TCP11L1: variants seen among roughly 807,000 people sequenced by gnomAD.
The protein encoded by TCP11L1 is t-complex 11 like 1.
Under a neutral mutation model 48.9 loss-of-function variants are expected in TCP11L1, and 28 were observed. The observed-to-expected ratio is 0.57, with a 90% CI of 0.42 to 0.78. The LOEUF (loss-of-function observed/expected upper bound fraction) is 0.78. TCP11L1 is among the 30% of genes least tolerant of loss of function. TCP11L1 has a pLI of 0.00. For missense variants in TCP11L1, 505 were observed against 613.4 expected (o/e 0.82, Z 1.87); for synonymous variants, 204 against 231.9 (o/e 0.88, Z 1.09).
At chr11:33,041,480 G>A (rs182056397) in intron 1 of TCP11L1, among the ~76,000 whole-genome samples, 23 of 152,356 alleles carry the variant, frequency 1.5e-4, no homozygotes, top group Non-Finnish European at 2.8e-4. Context: ...GCCAGGTGCA[G>A]TGGCTCACGC....
At position 33,071,195 on chromosome 11, in the gene TCP11L1, A is replaced by G. The variant is rs541073363; in HGVS notation, c.1328-1279A>G. Among the ~76,000 whole-genome samples the G allele has an allele frequency of 3.9e-5, 6 of 152,076 alleles. No homozygotes were observed. In the South Asian group the frequency reaches 1.2e-3, roughly 32 times the overall value. Reference sequence around the variant, plus strand: ...CTGGGCATGGTGGCATGCGCCTGTAATCCCAGCTACTCGGGAGGCAGAGTG... The same window carrying G: ...CTGGGCATGGTGGCATGCGCCTGTAGTCCCAGCTACTCGGGAGGCAGAGTG... On this transcript the variant is annotated intron_variant, in intron 9 of 9. Transcript: ENST00000334274.
intron 1 of TCP11L1, among the ~76,000 whole-genome samples, chr11:33,042,347 G>T (rs1369082546): frequency 6.6e-6 from 1 of 152,124 alleles, no homozygotes; most frequent in Non-Finnish European, 1.5e-5. Flanking sequence ...AGCCAGGATG[G>T]TCTCGATCTC....
Position 33,072,607 on chromosome 11 carries a change from C to CAACTAT in TCP11L1, c.1465_1470dup (p.Tyr489_Asn490dup), listed in dbSNP as rs775277421. On this transcript the variant is annotated inframe_insertion, in exon 10 of 10. Transcript: ENST00000334274. ...TTGCTATTAAATTTGCTCGCCTGGT[C>CAACTAT]AACTATAACAAGATGGTCTTCTGTC... is the stretch of plus-strand genomic sequence containing the variant. 6.2e-7 allele frequency: 1 copy of CAACTAT among 1,614,104 alleles called. No individual in the cohort carries two copies. The highest frequency in any genetic ancestry group is 1.1e-5 in the South Asian group (1 of 91,060).
intron 2 of TCP11L1, among the ~76,000 whole-genome samples, chr11:33,054,225 T>C (rs1854246692): frequency 6.6e-6 from 1 of 151,712 alleles, no homozygotes; most frequent in African/African-American, 2.4e-5. Context: ...GTGTCTTCTT[T>C]TTTTTTTTTT....
chr11:33,051,688 G>A (rs772398864), intron 2 of TCP11L1, among the ~76,000 whole-genome samples: 2 of 151,978 alleles, frequency 1.3e-5, no homozygotes, highest in Non-Finnish European at 2.9e-5. Context: ...CGAACTCCTG[G>A]CCTCAAGCAG....
intron 2 of TCP11L1, among the ~76,000 whole-genome samples, chr11:33,044,842 T>C (rs1853941891): frequency 6.6e-6 from 1 of 152,220 alleles, no homozygotes; most frequent in Non-Finnish European, 1.5e-5. Flanking sequence ...CAGTCTATCA[T>C]GCATTTGTCA....
intron 2 of TCP11L1, among the ~76,000 whole-genome samples, chr11:33,053,392 G>A (rs1200167443): frequency 6.6e-6 from 1 of 152,168 alleles, no homozygotes; most frequent in Non-Finnish European, 1.5e-5. Flanking sequence ...TGGTCCACCT[G>A]CCTTGATCTC....
chr11:33,054,130 A>G (rs1854244287), intron 2 of TCP11L1, among the ~76,000 whole-genome samples: 1 of 152,084 alleles, frequency 6.6e-6, no homozygotes, highest in Admixed American at 6.6e-5. Flanking sequence ...TGCTATTTTA[A>G]TTTGGGGAGA....
chr11:33,061,442 C>A, intron 6 of TCP11L1, 88 bp from the exon 7 acceptor site: 2 of 1,295,514 alleles, frequency 1.5e-6, no homozygotes, highest in Non-Finnish European at 2.1e-6. Context: ...CTTTATCACT[C>A]CACCAGGACA....
Position 33,072,548 on chromosome 11 carries a change from G to T in TCP11L1, c.1402G>T (p.Gly468Ter). The T allele has an allele frequency of 6.2e-7, 1 of 1,614,146 alleles. No homozygotes were observed. The highest frequency in any genetic ancestry group is 8.5e-7 in the Non-Finnish European group (1 of 1,180,034). ...GAAGCCATTGCCCACAGTCCCTGGG[G>T]GACTCAGTCCAGTTCAGAGAGAGCT... ...HQKPLPTVPG[G>*]LSPVQRELEE... is the part of the protein sequence containing the mutation. Residue 468 changes from glycine (G) to a stop codon, truncating the protein, a stop_gained, in exon 10 of 10, where the codon GGA (glycine) becomes TGA (stop). Coordinates refer to ENST00000334274, the MANE Select transcript of TCP11L1 (RefSeq NM_018393.4). LOFTEE classifies it high-confidence loss of function.
intron 5 of TCP11L1, among the ~76,000 whole-genome samples, chr11:33,058,491 C>T (rs928205554): frequency 1.3e-5 from 2 of 151,264 alleles, no homozygotes; most frequent in Non-Finnish European, 2.9e-5. Context: ...AGCCACTGTG[C>T]CCAGACCAGA....
At chr11:33,056,964 C>T (rs1206141241) in intron 3 of TCP11L1, 151 bp from the exon 4 acceptor site, 2 of 1,069,152 alleles carry the variant, frequency 1.9e-6, no homozygotes, top group African/African-American at 1.6e-5. Flanking sequence ...AAAGTATGCC[C>T]TCAGTTGAAG....
intron 2 of TCP11L1, among the ~76,000 whole-genome samples, chr11:33,046,568 C>T (rs975503563): frequency 2.0e-5 from 3 of 152,184 alleles, no homozygotes; most frequent in Non-Finnish European, 2.9e-5. Context: ...ATTAAGTTCT[C>T]TTAGTAGTCT....
At chr11:33,066,298 C>G (rs1209938695) in intron 8 of TCP11L1, among the ~76,000 whole-genome samples, 1 of 152,024 alleles carries the variant, frequency 6.6e-6, no homozygotes, top group Non-Finnish European at 1.5e-5. Context: ...GAGGCCACAC[C>G]AAGGAGTTGG....
intron 8 of TCP11L1, among the ~76,000 whole-genome samples, chr11:33,066,582 C>T (rs775283943): frequency 3.9e-5 from 6 of 152,020 alleles, no homozygotes; most frequent in Non-Finnish European, 8.8e-5. Flanking sequence ...CATGCTCCTC[C>T]CGGGGCCTGG....
intron 2 of TCP11L1, among the ~76,000 whole-genome samples, chr11:33,050,681 A>AATT (rs1854133656): frequency 6.6e-6 from 1 of 152,198 alleles, no homozygotes; most frequent in Non-Finnish European, 1.5e-5. Context: ...TTTTCTTAAT[A>AATT]GAGTCTATCA....
intron 6 of TCP11L1, among the ~76,000 whole-genome samples, chr11:33,059,325 G>T (rs1455053825): frequency 6.6e-6 from 1 of 152,206 alleles, no homozygotes; most frequent in African/African-American, 2.4e-5. Flanking sequence ...TATGAGAATA[G>T]AAATTAAAAA....
At position 33,059,170 on chromosome 11, in the gene TCP11L1, ATAT is replaced by A. The variant is rs976005861; in HGVS notation, c.775+80_775+82del. 1.9e-4 allele frequency: 295 copies of A among 1,562,258 alleles called. No homozygotes were observed. The African/African-American group carries it at 3.2e-3, about 17-fold the overall frequency. ...TTTAGCTGCCATAGCTTGTTGCATA[ATAT>A]TATTTTCAGAACAAAACTAAAATTT... is the stretch of plus-strand genomic sequence containing the variant. On this transcript the variant is annotated intron_variant, in intron 6 of 9. Transcript: ENST00000334274.
intron 2 of TCP11L1, among the ~76,000 whole-genome samples, chr11:33,053,702 GT>G (rs1854230029): frequency 6.6e-6 from 1 of 152,174 alleles, no homozygotes; most frequent in Non-Finnish European, 1.5e-5. Flanking sequence ...CTTTTGATCT[GT>G]CCATTGACCA....
Sources: gnomAD v4.1 joint callset for allele counts (sites outside exome capture counted in the v4.1 genomes callset) on GRCh38, gnomAD v4.1.1 for gene constraint, MANE v1.5 for transcripts, NCBI Gene and HGNC (gene_info 2026-07-23, HGNC 2026-07-21) for gene names.